GPR83: variants seen among roughly 807,000 people sequenced by gnomAD.
GPR83 encodes the protein G-protein coupled receptor 72.
A neutral mutation model predicts 28.0 loss-of-function variants in GPR83; 23 were observed. That is an observed-to-expected ratio of 0.82 (90% CI 0.59 to 1.16). The LOEUF (loss-of-function observed/expected upper bound fraction) is 1.16. Among genes scored for constraint, GPR83 ranks in the 50% most tolerant of loss-of-function variants. The pLI is 0.00. For synonymous variants in GPR83, 234 were observed against 215.4 expected, an observed-to-expected ratio of 1.09 and a Z score of -0.76; for missense variants, 610 against 536.6, an observed-to-expected ratio of 1.14 and a Z score of -1.35.
At chr11:94,385,937 G>T (rs534034556) in intron 3 of GPR83, among the ~76,000 whole-genome samples, 62 of 152,156 alleles carry the variant, frequency 4.1e-4, no homozygotes, top group Non-Finnish European at 7.6e-4. Flanking sequence ...AATGTTAAGG[G>T]CAGTCAGAGA....
At chr11:94,400,572 C>A (rs1215662824) in intron 1 of GPR83, among the ~76,000 whole-genome samples, 1 of 147,212 alleles carries the variant, frequency 6.8e-6, no homozygotes, top group Admixed American at 6.7e-5. Context: ...GATGAGGACA[C>A]TGAGAGATAG....
chr11:94,386,844 A>G (rs915334942), intron 3 of GPR83, among the ~76,000 whole-genome samples: 3 of 152,228 alleles, frequency 2.0e-5, no homozygotes, highest in African/African-American at 4.8e-5. Context: ...ACATCTACAG[A>G]ACTCTCCACC....
intron 3 of GPR83, among the ~76,000 whole-genome samples, chr11:94,390,161 G>GGAC (rs1013844280): frequency 6.6e-6 from 1 of 151,914 alleles, no homozygotes; most frequent in Non-Finnish European, 1.5e-5. Context: ...CACACACTGG[G>GGAC]GACTGTTGTG....
chr11:94,379,945 A>G lies in GPR83; in HGVS notation c.*204T>C, dbSNP rs983937961. On this transcript the variant is annotated 3_prime_UTR_variant, in exon 4 of 4. Coordinates refer to ENST00000243673, the MANE Select transcript of GPR83 (RefSeq NM_016540.4). ...CCCAGTGTTTCTTAGATGGGAATTT[A>G]TGAACACATGTCTAGTTGGTGGTGC... is the stretch of plus-strand genomic sequence containing the variant. 3 of 413,538 alleles carry G rather than the reference A, an allele frequency of 7.3e-6. No homozygotes were observed. Among genetic ancestry groups the G allele is most frequent in the Non-Finnish European group, 1.3e-5 (3 of 233,708 alleles). 25.6% of individuals were successfully genotyped at this position (413,538 alleles called of 1,614,324 possible). A position where few individuals can be genotyped will look rare whatever the true frequency, so the allele number is the denominator to read the frequency against.
At position 94,396,444 on chromosome 11, in the gene GPR83, G is replaced by A. The variant is rs569020612; in HGVS notation, c.468C>T (p.His156=). ...TGGCTGTCAGTGTCAGTGCTGAGAC[G>A]TGCAGTGAGCAGTACTGGGCAAAGC... ...VSRFAQYCSL[H]VSALTLTAIA... Residue 156 remains histidine, a synonymous_variant, in exon 2 of 4, where the codon CAC becomes CAT. Coordinates refer to ENST00000243673, the MANE Select transcript of GPR83 (RefSeq NM_016540.4). The A allele has an allele frequency of 1.4e-5, 22 of 1,614,028 alleles. No individual in the cohort carries two copies. The highest frequency in any genetic ancestry group is 9.9e-5 in the South Asian group (9 of 91,076).
At chr11:94,384,263 G>C (rs1359892668) in intron 3 of GPR83, among the ~76,000 whole-genome samples, 1 of 152,088 alleles carries the variant, frequency 6.6e-6, no homozygotes, top group Non-Finnish European at 1.5e-5. Flanking sequence ...TGTAGAAAAG[G>C]CCTTCAACAA....
intron 1 of GPR83, among the ~76,000 whole-genome samples, chr11:94,399,010 T>C (rs1313520172): frequency 6.6e-6 from 1 of 152,074 alleles, no homozygotes; most frequent in Non-Finnish European, 1.5e-5. Context: ...AGCTCTCAGG[T>C]GTAGCCTGTC....
At position 94,401,313 on chromosome 11, in the gene GPR83, C is replaced by G. The variant is rs1044914050; in HGVS notation, c.-66G>C. On this transcript the variant is annotated 5_prime_UTR_variant, in exon 1 of 4. Transcript: ENST00000243673. Reference sequence around the variant, plus strand: ...GCGTCCCCTCCCGCTGGGATCGGAGCGCGCAGCCGGGGTGCGGGGCGCACA... The same window carrying G: ...GCGTCCCCTCCCGCTGGGATCGGAGGGCGCAGCCGGGGTGCGGGGCGCACA... 3 of 1,463,778 alleles carry G rather than the reference C, an allele frequency of 2.0e-6. No individual in the cohort carries two copies. Among genetic ancestry groups the G allele is most frequent in the Non-Finnish European group, 2.7e-6 (3 of 1,105,392 alleles). 90.7% of individuals were successfully genotyped at this position (1,463,778 alleles called of 1,614,324 possible).
At chr11:94,383,465 A>T (rs1371381536) in intron 3 of GPR83, among the ~76,000 whole-genome samples, 1 of 152,214 alleles carries the variant, frequency 6.6e-6, no homozygotes, top group Non-Finnish European at 1.5e-5. Flanking sequence ...AGCTAGCAGA[A>T]GGCAAGAAAT....
intron 3 of GPR83, among the ~76,000 whole-genome samples, 186 bp from the exon 4 acceptor site, chr11:94,380,959 A>T (rs1179992266): frequency 6.6e-6 from 1 of 152,146 alleles, no homozygotes; most frequent in Non-Finnish European, 1.5e-5. Flanking sequence ...CTAGGCTGGG[A>T]ATTGCATAGA....
rs1020970618 is a variant in GPR83 at position 94,377,752 on chromosome 11, T to A, written c.*2397A>T. ...GATTTTTCCCAGCTGTAGGCTAATA[T>A]AAGTGTTCTCAGAGCATTTAAGGTA... On this transcript the variant is annotated 3_prime_UTR_variant, in exon 4 of 4. Transcript: ENST00000243673. 1 of 152,214 alleles carries A rather than the reference T, an allele frequency of 6.6e-6. No homozygotes were observed. The highest frequency in any genetic ancestry group is 2.4e-5 in the African/African-American group (1 of 41,458). The allele number at this position is 152,214 out of a possible 1,614,324, so 9.4% of individuals were successfully genotyped here. A position where few individuals can be genotyped will look rare whatever the true frequency, so the allele number is the denominator to read the frequency against.
chr11:94,393,638 C>T lies in GPR83; in HGVS notation c.514-20G>A. ...GATGACCTGGAAAACAAGCAAACCA[C>T]ATCACTAACTGAAGACGTTTTGGAG... is the stretch of plus-strand genomic sequence containing the variant. On this transcript the variant is annotated intron_variant, in intron 2 of 3. Transcript: ENST00000243673. 1 of 1,613,044 alleles carries T rather than the reference C, an allele frequency of 6.2e-7. No individual in the cohort carries two copies. The highest frequency in any genetic ancestry group is 8.5e-7 in the Non-Finnish European group (1 of 1,179,440).
At chr11:94,396,119 C>A (rs577188098) in intron 2 of GPR83, among the ~76,000 whole-genome samples, 1 of 152,298 alleles carries the variant, frequency 6.6e-6, no homozygotes, top group Non-Finnish European at 1.5e-5. Flanking sequence ...ACTCAGGAGG[C>A]TGAGGCAGGA....
At position 94,380,603 on chromosome 11, in the gene GPR83, C is replaced by T. The variant is rs772951790; in HGVS notation, c.818G>A (p.Gly273Asp). The T allele has an allele frequency of 3.1e-6, 5 of 1,614,120 alleles. No homozygotes were observed. The highest frequency in any genetic ancestry group is 2.2e-5 in the South Asian group (2 of 91,070). The change falls in exon 4 of 4, where the codon GGC (glycine) becomes GAC (aspartate). Residue 273 changes from glycine to aspartate, a missense_variant. Physicochemically the swap from Gly to Asp is moderately conservative, Grantham distance 94. Transcript: ENST00000243673. Reference protein sequence around the residue: ...AKKLWLCNMIGDVTTEQYFAL... With the variant: ...AKKLWLCNMIDDVTTEQYFAL... ...AAAGTACTGCTCTGTGGTCACATCGCCAATCATATTACACAGCCACAGTTT... is the reference window on the plus strand; with the variant it reads ...AAAGTACTGCTCTGTGGTCACATCGTCAATCATATTACACAGCCACAGTTT...
intron 2 of GPR83, 25 bp from the exon 3 acceptor site, chr11:94,393,643 C>A (rs1486294965): frequency 5.6e-6 from 9 of 1,612,650 alleles, no homozygotes; most frequent in Non-Finnish European, 7.6e-6. Flanking sequence ...AACCACATCA[C>A]TAACTGAAGA....
At chr11:94,381,558 A>AGTGTAT (rs1554991067) in intron 3 of GPR83, among the ~76,000 whole-genome samples, 1 of 148,054 alleles carries the variant, frequency 6.8e-6, no homozygotes, top group Non-Finnish European at 1.5e-5. Context: ...GGAGTGAGTG[A>AGTGTAT]GTGTGTGTGT....
In GPR83 at chr11:94,380,586, G is replaced by A. The variant is rs1162720057; in HGVS notation, c.835C>T (p.Gln279Ter). ...TTTTTGCGCCGCAGGGCAAAGTACT[G>A]CTCTGTGGTCACATCGCCAATCATA... ...CNMIGDVTTE[Q>*]YFALRRKKKK... Residue 279 changes from glutamine (Q) to a stop codon, truncating the protein, a stop_gained, in exon 4 of 4, where the codon CAG becomes TAG. Transcript: ENST00000243673. LOFTEE classifies it high-confidence loss of function. 1 of 1,614,020 alleles carries A rather than the reference G, an allele frequency of 6.2e-7. No homozygotes were observed. The highest frequency in any genetic ancestry group is 1.3e-5 in the African/African-American group (1 of 74,918).
chr11:94,382,714 A>G (rs4385859), intron 3 of GPR83, among the ~76,000 whole-genome samples: 80,152 of 151,898 alleles, frequency 0.53, 21,756 homozygotes, highest in East Asian at 0.64. Context: ...CTCCACCCCA[A>G]ATCAACAGAA....
chr11:94,383,807 C>T (rs562745807), intron 3 of GPR83, among the ~76,000 whole-genome samples: 352 of 152,254 alleles, frequency 2.3e-3, no homozygotes, highest in Non-Finnish European at 4.5e-3. Flanking sequence ...CCTGAATAAA[C>T]CACTAACAAG....
Sources: allele counts gnomAD v4.1 joint callset (sites outside exome capture counted in the v4.1 genomes callset), GRCh38; gene constraint gnomAD v4.1.1; transcripts MANE v1.5; gene names NCBI Gene and HGNC (gene_info 2026-07-23, HGNC 2026-07-21).